The following DLGAP1 variants were observed in gnomAD, a reference collection of about 807,000 sequenced individuals.
The protein encoded by DLGAP1 is disks large-associated protein 1.
A neutral mutation model predicts 90.8 loss-of-function variants in DLGAP1; 11 were observed. The ratio of observed to expected loss-of-function variants is 0.12; its 90% CI spans 0.08 to 0.20. The LOEUF is 0.20. DLGAP1 is among the 10% of genes least tolerant of loss of function. The pLI, the probability that DLGAP1 is intolerant of heterozygous loss-of-function variation, is 1.00. For missense variants in DLGAP1, 1,050 were observed against 1,333.8 expected (o/e 0.79, Z 3.31); for synonymous variants, 558 against 540.7 (o/e 1.03, Z -0.44).
chr18:4,022,630 C>T lies in DLGAP1; in HGVS notation c.-158-17429G>A, dbSNP rs535081881. 3.0e-4 allele frequency among the ~76,000 whole-genome samples: 46 copies of T among 152,316 alleles called. 1 individual carries two copies. In the South Asian group the frequency reaches 9.3e-3, roughly 31 times the overall value. Reference sequence around the variant, plus strand: ...ATTCATACATTGGTAAGTCTACTAACAGTAATAGCTCTGCCATGAACATGA... The same window carrying T: ...ATTCATACATTGGTAAGTCTACTAATAGTAATAGCTCTGCCATGAACATGA... On this transcript the variant is annotated intron_variant, in intron 2 of 12. Transcript: ENST00000315677.
At chr18:3,677,265 C>G (rs1376174619) in intron 7 of DLGAP1, among the ~76,000 whole-genome samples, 1 of 152,224 alleles carries the variant, frequency 6.6e-6, no homozygotes, top group African/African-American at 2.4e-5. Flanking sequence ...TTATCCTACA[C>G]CGTAATCACT....
chr18:4,159,929 A>T (rs1296770670), intron 1 of DLGAP1, among the ~76,000 whole-genome samples: 1 of 152,170 alleles, frequency 6.6e-6, no homozygotes, highest in East Asian at 1.9e-4. Flanking sequence ...ATTTGGCTAA[A>T]GGACTCTGCT....
At chr18:3,501,607 A>G (rs902057864) in intron 12 of DLGAP1, among the ~76,000 whole-genome samples, 4 of 152,194 alleles carry the variant, frequency 2.6e-5, no homozygotes, top group African/African-American at 9.7e-5. Flanking sequence ...AATGGATTAG[A>G]TTGCTGTTAG....
chr18:4,063,365 A>AAGCTAGC (rs2075326653), intron 2 of DLGAP1, among the ~76,000 whole-genome samples: 1 of 152,156 alleles, frequency 6.6e-6, no homozygotes, highest in African/African-American at 2.4e-5. Context: ...TAAGGCAATG[A>AAGCTAGC]AGCTAGCAGG....
intron 7 of DLGAP1, among the ~76,000 whole-genome samples, chr18:3,639,669 T>C (rs2058853349): frequency 6.6e-6 from 1 of 151,880 alleles, no homozygotes; most frequent in Non-Finnish European, 1.5e-5. Flanking sequence ...CTCTGAAATC[T>C]CTGATGCAGA....
At chr18:3,646,986 C>T (rs971652272) in intron 7 of DLGAP1, among the ~76,000 whole-genome samples, 5 of 151,680 alleles carry the variant, frequency 3.3e-5, no homozygotes, top group African/African-American at 7.3e-5. Context: ...CGGTGGCTCA[C>T]GCCTGTAATC....
chr18:3,630,381 A>G (rs188438434), intron 7 of DLGAP1, among the ~76,000 whole-genome samples: 1 of 152,170 alleles, frequency 6.6e-6, no homozygotes, highest in East Asian at 1.9e-4. Context: ...CCTGGTTCTC[A>G]GGCTCCTGGA....
chr18:3,891,788 G>GAGAGA (rs1056510873), intron 3 of DLGAP1: 1 of 151,762 alleles, frequency 6.6e-6, no homozygotes, highest in African/African-American at 2.4e-5. Context: ...TTTTTTTTTA[G>GAGAGA]AGAGAAGATC....
chr18:3,812,605 AGAAG>A (rs978015159), intron 5 of DLGAP1, among the ~76,000 whole-genome samples: 49 of 152,326 alleles, frequency 3.2e-4, no homozygotes, highest in African/African-American at 1.1e-3. Flanking sequence ...AGCCAAAGAA[AGAAG>A]GAAGAGGTTT....
At chr18:3,652,652 T>C (rs919181055) in intron 7 of DLGAP1, among the ~76,000 whole-genome samples, 3 of 152,218 alleles carry the variant, frequency 2.0e-5, no homozygotes, top group Non-Finnish European at 2.9e-5. Flanking sequence ...CCTCATTTAT[T>C]TGATTTCTTC....
intron 1 of DLGAP1, among the ~76,000 whole-genome samples, chr18:4,206,485 A>C (rs1598619383): frequency 6.6e-6 from 1 of 152,130 alleles, no homozygotes; most frequent in African/African-American, 2.4e-5. Flanking sequence ...CCTAGTTCCA[A>C]GATCTGAGGG....
At chr18:4,183,909 A>C (rs2077248284) in intron 1 of DLGAP1, among the ~76,000 whole-genome samples, 1 of 152,132 alleles carries the variant, frequency 6.6e-6, no homozygotes, top group Non-Finnish European at 1.5e-5. Flanking sequence ...TCCCAGTAAA[A>C]AGACAGACCC....
chr18:4,442,055 G>A (rs995287840), intron 1 of DLGAP1, among the ~76,000 whole-genome samples: 3 of 152,112 alleles, frequency 2.0e-5, no homozygotes, highest in East Asian at 1.9e-4. Context: ...GCAGTGGCGC[G>A]ATCTCAGCTC....
intron 2 of DLGAP1, among the ~76,000 whole-genome samples, chr18:4,036,582 T>C (rs2074892554): frequency 6.6e-6 from 1 of 152,214 alleles, no homozygotes. Flanking sequence ...ACGTGATTAC[T>C]TGCATCACTG....
intron 9 of DLGAP1, among the ~76,000 whole-genome samples, chr18:3,537,779 T>C (rs1468491429): frequency 6.6e-6 from 1 of 152,240 alleles, no homozygotes; most frequent in Non-Finnish European, 1.5e-5. Flanking sequence ...CATTTGTTAT[T>C]TTCTGTTTTT....
intron 1 of DLGAP1, among the ~76,000 whole-genome samples, chr18:4,250,988 A>T (rs1197324454): frequency 6.6e-6 from 1 of 152,222 alleles, no homozygotes; most frequent in East Asian, 1.9e-4. Context: ...GTTGAAAGAG[A>T]TCACAAAAAC....
chr18:3,849,273 G>A (rs1260426580), intron 4 of DLGAP1, among the ~76,000 whole-genome samples: 2 of 152,248 alleles, frequency 1.3e-5, no homozygotes, highest in East Asian at 3.9e-4. Flanking sequence ...TGAGCAGAAG[G>A]CTCAAAAGGT....
chr18:3,831,982 T>C (rs994368748), intron 4 of DLGAP1, among the ~76,000 whole-genome samples: 10 of 152,230 alleles, frequency 6.6e-5, no homozygotes, highest in African/African-American at 2.2e-4. Context: ...GTAAGTGACA[T>C]GGATCTATAC....
chr18:3,997,559 G>C (rs2074095044), intron 3 of DLGAP1, among the ~76,000 whole-genome samples: 1 of 151,996 alleles, frequency 6.6e-6, no homozygotes, highest in African/African-American at 2.4e-5. Context: ...TGTATTTCCT[G>C]TAAGGTGTCA....
Sources: gnomAD v4.1 joint callset for allele counts (sites outside exome capture counted in the v4.1 genomes callset) on GRCh38, gnomAD v4.1.1 for gene constraint, MANE v1.5 for transcripts, NCBI Gene and HGNC (gene_info 2026-07-23, HGNC 2026-07-21) for gene names.